FAM120B: variants seen among roughly 807,000 people sequenced by gnomAD.
FAM120B encodes the protein family with sequence similarity 120 member B.
In FAM120B, 83 loss-of-function variants were observed where a neutral mutation model predicts 96.3. The observed-to-expected ratio is 0.86, with a 90% confidence interval of 0.72 to 1.03. The LOEUF (loss-of-function observed/expected upper bound fraction) is 1.03. FAM120B is among the 50% of genes least tolerant of loss of function. The probability of loss-of-function intolerance (pLI) is 0.00; values close to 1 mark genes in which losing one functional copy is unlikely to be tolerated. For missense variants in FAM120B, 1,027 were observed against 1,121.2 expected (o/e 0.92, Z 1.20); for synonymous variants, 407 against 402.7 (o/e 1.01, Z -0.13).
chr6:170,385,377 A>G (rs890140643), intron 6 of FAM120B, among the ~76,000 whole-genome samples: 1 of 152,012 alleles, frequency 6.6e-6, no homozygotes, highest in African/African-American at 2.4e-5. Flanking sequence ...TTTAAAAAAA[A>G]GGCTGAAAAT....
At chr6:170,382,659 G>A (rs1789976725) in intron 6 of FAM120B, among the ~76,000 whole-genome samples, 1 of 152,108 alleles carries the variant, frequency 6.6e-6, no homozygotes, top group Non-Finnish European at 1.5e-5. Context: ...CAAACCCAAA[G>A]AAGTGGAGAC....
At position 170,318,491 on chromosome 6, in the gene FAM120B, G is replaced by T. The variant is rs1562521415; in HGVS notation, c.1101G>T (p.Val367=). The change falls in exon 2 of 11, where the codon GTG becomes GTT. Residue 367 remains valine, a synonymous_variant. Transcript: ENST00000476287. ...CTGAATCCAGGCGAGAAGTTCCCGTGTATACAGATTCTGAACCCAGGCAAG... is the reference window on the plus strand; with the variant it reads ...CTGAATCCAGGCGAGAAGTTCCCGTTTATACAGATTCTGAACCCAGGCAAG... ...TGPESRREVP[V]YTDSEPRQEV... 1.3e-6 allele frequency: 2 copies of T among 1,584,806 alleles called. No individual in the cohort carries two copies. The highest frequency in any genetic ancestry group is 1.7e-5 in the Admixed American group (1 of 58,228).
At chr6:170,307,589 T>TTCAG (rs1784365960) in intron 1 of FAM120B, among the ~76,000 whole-genome samples, 2 of 152,192 alleles carry the variant, frequency 1.3e-5, no homozygotes, top group Non-Finnish European at 2.9e-5. Flanking sequence ...ACATGAAGGT[T>TTCAG]TCAGAGTCTT....
At chr6:170,399,817 C>T (rs1207246584) in intron 9 of FAM120B, among the ~76,000 whole-genome samples, 7 of 121,288 alleles carry the variant, frequency 5.8e-5, no homozygotes, top group Non-Finnish European at 8.2e-5. Context: ...ATGTCATAAG[C>T]CTTAGGAGTG....
chr6:170,302,175 A>T (rs187748333), upstream of FAM120B, among the ~76,000 whole-genome samples: 101 of 152,342 alleles, frequency 6.6e-4, 3 homozygotes, highest in East Asian at 0.019. Flanking sequence ...AGGCCTCAGG[A>T]AACTTACAAT....
intron 1 of FAM120B, among the ~76,000 whole-genome samples, chr6:170,311,647 C>G (rs2115001240): frequency 6.6e-6 from 1 of 152,344 alleles, no homozygotes; most frequent in East Asian, 1.9e-4. Flanking sequence ...CTCTTACCTT[C>G]TCTGTCCTAC....
At chr6:170,388,157 G>A in intron 6 of FAM120B, 130 bp from the exon 7 acceptor site, 1 of 750,886 alleles carries the variant, frequency 1.3e-6, no homozygotes. Flanking sequence ...TGAGGATGCA[G>A]CTATGGTGAT....
chr6:170,386,796 A>G (rs528168576), intron 6 of FAM120B, among the ~76,000 whole-genome samples: 13 of 152,366 alleles, frequency 8.5e-5, no homozygotes, highest in African/African-American at 3.1e-4. Context: ...AGACATCACA[A>G]GAAATAGAAA....
upstream of FAM120B, among the ~76,000 whole-genome samples, chr6:170,292,410 T>C (rs566678820): frequency 2.0e-5 from 3 of 152,154 alleles, no homozygotes; most frequent in East Asian, 5.8e-4. This position sits in a 1 kb window ranked among gnomAD's most constrained non-coding sequence, Gnocchi z 6.6. Context: ...CGCCCGTGGA[T>C]CCCTGCCCAC....
chr6:170,311,446 C>G (rs1471375846), intron 1 of FAM120B, among the ~76,000 whole-genome samples: 2 of 152,180 alleles, frequency 1.3e-5, no homozygotes, highest in Non-Finnish European at 2.9e-5. Context: ...CTTAATAGAG[C>G]AGATGTTTTG....
chr6:170,350,994 G>T (rs961211282), intron 5 of FAM120B, among the ~76,000 whole-genome samples: 32 of 152,180 alleles, frequency 2.1e-4, no homozygotes, highest in Admixed American at 6.5e-5. Context: ...TGAACTTCGC[G>T]GAGCTAAAGG....
At chr6:170,372,131 C>T (rs1216860561) in intron 6 of FAM120B, among the ~76,000 whole-genome samples, 1 of 151,998 alleles carries the variant, frequency 6.6e-6, no homozygotes, top group African/African-American at 2.4e-5. Flanking sequence ...CATACAGTGT[C>T]TTGTTTTGCC....
At chr6:170,376,233 G>C (rs1401526690) in intron 6 of FAM120B, among the ~76,000 whole-genome samples, 1 of 152,164 alleles carries the variant, frequency 6.6e-6, no homozygotes, top group Non-Finnish European at 1.5e-5. Context: ...GATGAAGTCA[G>C]CTTTGTGAGG....
intron 6 of FAM120B, among the ~76,000 whole-genome samples, chr6:170,360,633 T>C (rs1788292322): frequency 6.6e-6 from 1 of 152,208 alleles, no homozygotes; most frequent in Admixed American, 6.5e-5. Flanking sequence ...CCCATGCTTC[T>C]AGTTCTGTTC....
intron 3 of FAM120B, among the ~76,000 whole-genome samples, chr6:170,328,609 C>T (rs192923084): frequency 6.6e-6 from 1 of 151,518 alleles, no homozygotes; most frequent in Admixed American, 6.6e-5. Flanking sequence ...GTAAGGTTCA[C>T]TCCTGCCCCC....
intron 6 of FAM120B, among the ~76,000 whole-genome samples, chr6:170,361,196 G>A (rs202232452): frequency 0.13 from 3,707 of 29,508 alleles, 843 homozygotes; most frequent in East Asian, 0.71. Flanking sequence ...ATATATATAC[G>A]TGTATATATA....
At chr6:170,297,905 C>A (rs573757825) in intron 1 of FAM120B, 2 of 152,182 alleles carry the variant, frequency 1.3e-5, no homozygotes, top group Non-Finnish European at 2.9e-5. Context: ...TTATTAAACT[C>A]TAGCGGTTGT....
In FAM120B at chr6:170,318,399, T is replaced by A; in HGVS notation, c.1009T>A (p.Ser337Thr). 2 of 1,614,090 alleles carry A rather than the reference T, an allele frequency of 1.2e-6. No individual in the cohort carries two copies. The highest frequency in any genetic ancestry group is 1.7e-6 in the Non-Finnish European group (2 of 1,180,030). Residue 337 changes from serine to threonine, a missense_variant, in exon 2 of 11, where the codon TCC becomes ACC. By Grantham distance (58) the Ser-to-Thr change is moderately conservative. Around this residue, in one of 3 missense-constraint regions of FAM120B, gnomAD observed 880 missense variants for 980.9 expected, o/e 0.90. Transcript: ENST00000476287. ...QVISTSSDAE[S>T]REEVPMCSDA... ...AATATCCACGAGTTCAGACGCCGAATCCAGGGAAGAAGTTCCCATGTGTTC... is the reference window on the plus strand; with the variant it reads ...AATATCCACGAGTTCAGACGCCGAAACCAGGGAAGAAGTTCCCATGTGTTC...
rs892820818 is a variant in FAM120B at position 170,393,736 on chromosome 6, C to T, written c.2600-1751C>T. ...CTCACCCAAAACCAAGCTGATTCTTCGTTGCAGAACTTAGACTGAAGCCTC... is the reference window on the plus strand; with the variant it reads ...CTCACCCAAAACCAAGCTGATTCTTTGTTGCAGAACTTAGACTGAAGCCTC... On this transcript the variant is annotated intron_variant, in intron 8 of 10. Transcript: ENST00000476287. Among the ~76,000 whole-genome samples, 3 of 152,352 alleles carry T rather than the reference C, an allele frequency of 2.0e-5. No individual in the cohort carries two copies. In the East Asian group the frequency reaches 5.8e-4, roughly 29 times the overall value.
Sources: gnomAD v4.1 joint callset for allele counts (sites outside exome capture counted in the v4.1 genomes callset) on GRCh38, gnomAD v4.1.1 for gene constraint, gnomAD v4.1.1 regional missense constraint, Gnocchi (gnomAD v3.1) non-coding constraint, MANE v1.5 for transcripts, NCBI Gene and HGNC (gene_info 2026-07-23, HGNC 2026-07-21) for gene names.